LTA4H: variants seen among roughly 807,000 people sequenced by gnomAD.
LTA4H encodes leukotriene A4 hydrolase.
LTA4H carries 59 observed loss-of-function variants against 89.8 expected under a neutral mutation model. The observed-to-expected ratio is 0.66, with a 90% CI of 0.53 to 0.82. The LOEUF is 0.82. Ranked by LOEUF, LTA4H falls within the 40% of genes least tolerant of loss-of-function variation. LTA4H has a pLI of 0.00. For synonymous variants in LTA4H, 227 were observed against 253.1 expected (o/e 0.90, Z 0.98); for missense variants, 617 against 727.0 (o/e 0.85, Z 1.74).
intron 1 of LTA4H, chr12:96,043,267 T>G: frequency 1.3e-6 from 2 of 1,511,370 alleles, no homozygotes; most frequent in Non-Finnish European, 8.9e-7. Context: ...TCACATGCCT[T>G]GAGAAGGAGC....
At chr12:96,021,462 T>C (rs564941870) in intron 5 of LTA4H, among the ~76,000 whole-genome samples, 32 of 152,280 alleles carry the variant, frequency 2.1e-4, no homozygotes, top group African/African-American at 7.0e-4. Flanking sequence ...AGGAAGCGCA[T>C]TTCCCATATG....
intron 12 of LTA4H, 111 bp downstream of exon 12, chr12:96,014,744 C>A: frequency 9.7e-7 from 1 of 1,029,204 alleles, no homozygotes; most frequent in Non-Finnish European, 1.4e-6. Flanking sequence ...GCAGCTACAT[C>A]CAGAATGAAT....
chr12:96,016,512 G>A (rs1950377470), intron 10 of LTA4H, among the ~76,000 whole-genome samples: 1 of 151,606 alleles, frequency 6.6e-6, no homozygotes, highest in Non-Finnish European at 1.5e-5. Context: ...TTTGGAGGCT[G>A]AGGAGGGAGG....
chr12:96,023,376 C>T (rs1950476412), intron 4 of LTA4H, among the ~76,000 whole-genome samples: 1 of 152,150 alleles, frequency 6.6e-6, no homozygotes. Flanking sequence ...TCAAGTGTCA[C>T]ATCATTATTT....
chr12:96,013,231 T>G lies in LTA4H; in HGVS notation c.1336A>C (p.Asn446His). The G allele has an allele frequency of 6.2e-7, 1 of 1,613,682 alleles. No homozygotes were observed. The change falls in exon 14 of 19, where the codon AAT becomes CAT. Residue 446 changes from asparagine to histidine, a missense_variant. This residue lies in a region of LTA4H where 290 missense variants were observed against 339.1 expected (regional missense o/e 0.86). Coordinates refer to ENST00000228740, the MANE Select transcript of LTA4H (RefSeq NM_000895.3). ...AGTCCAGGAGAGTAGAGCCAGGCAT[T>G]CCAATCAACTTGATTGAGAACATCA... ...KVDVLNQVDW[N>H]AWLYSPGLPP...
chr12:96,035,771 G>T, upstream of LTA4H: 1 of 764,964 alleles, frequency 1.3e-6, no homozygotes. Context: ...GATGTTGAGG[G>T]GGACCAAGCG....
intron 1 of LTA4H, among the ~76,000 whole-genome samples, chr12:96,040,662 C>G (rs532738068): frequency 2.0e-5 from 3 of 152,300 alleles, no homozygotes; most frequent in Non-Finnish European, 4.4e-5. Context: ...GGTGGAGCAG[C>G]AAGGTAGAAG....
At chr12:96,029,466 G>A (rs986034576) in intron 1 of LTA4H, among the ~76,000 whole-genome samples, 11 of 152,072 alleles carry the variant, frequency 7.2e-5, no homozygotes, top group African/African-American at 2.7e-4. Flanking sequence ...ATCAAAATAT[G>A]TTTGCTTCTG....
Position 96,018,729 on chromosome 12 carries a change from C to T in LTA4H, c.852+34G>A, listed in dbSNP as rs374227275. 1.2e-4 allele frequency: 183 copies of T among 1,483,476 alleles called. No homozygotes were observed. In the East Asian group the frequency reaches 1.5e-3, roughly 12 times the overall value. The allele number at this position is 1,483,476 out of a possible 1,614,324, so 91.9% of individuals were successfully genotyped here. On this transcript the variant is annotated intron_variant, in intron 8 of 18. Transcript: ENST00000228740. ...AAGGTTCTTAAGTTTATTTTTGAAA[C>T]GTCAATTTCAAATGAAGAAACATTT... is the stretch of plus-strand genomic sequence containing the variant.
chr12:96,013,758 TA>T lies in LTA4H; in HGVS notation c.1299del (p.Phe433LeufsTer25). On this transcript the variant is annotated frameshift_variant, in exon 13 of 19. Transcript: ENST00000228740. LOFTEE classifies it high-confidence loss of function. Reference sequence around the variant, plus strand: ...AGGTTTTTAAATCCAACCTTATCTTTAAAATAGGAATACAGGAAATCCTTCC... The same window carrying T: ...AGGTTTTTAAATCCAACCTTATCTTTAAATAGGAATACAGGAAATCCTTCC... Reference protein sequence around the residue: ...DDWKDFLYSYFKDKVDVLNQV... With the variant: ...DDWKDFLYSYXKDKVDVLNQV... 6.5e-7 allele frequency: 1 copy of T among 1,527,700 alleles called. No homozygotes were observed. The highest frequency in any genetic ancestry group is 9.0e-7 in the Non-Finnish European group (1 of 1,113,634). The allele number at this position is 1,527,700 out of a possible 1,614,324, so 94.6% of individuals were successfully genotyped here. A position where few individuals can be genotyped will look rare whatever the true frequency, so the allele number is the denominator to read the frequency against.
In LTA4H at chr12:96,029,131, C is replaced by A; in HGVS notation, c.214G>T (p.Val72Phe). The A allele has an allele frequency of 1.3e-6, 2 of 1,592,610 alleles. No homozygotes were observed. Among genetic ancestry groups the A allele is most frequent in the Non-Finnish European group, 1.7e-6 (2 of 1,166,028 alleles). ...IEKVVINGQE[V>F]KYALGERQSY... ...TGTCTTTCTCCAAGAGCATATTTGA[C>A]TTCTTGTCCATTGATCACTACTTTT... The change falls in exon 2 of 19, where the codon GTC (valine) becomes TTC (phenylalanine). Residue 72 changes from valine to phenylalanine, a missense_variant. By Grantham distance (50) the Val-to-Phe change is conservative. Coordinates refer to ENST00000228740, the MANE Select transcript of LTA4H (RefSeq NM_000895.3).
Position 96,003,033 on chromosome 12 carries a change from C to T in LTA4H, c.1645G>A (p.Glu549Lys), listed in dbSNP as rs755245009. The stretch of plus-strand genomic sequence containing the variant: ...TTTAGCGCCAAAGGAATTGCGTCCT[C>T]CCACTTGGATTGAATGCAGAGCCGC... ...WLRLCIQSKW[E>K]DAIPLALKMA... Residue 549 changes from glutamate to lysine, a missense_variant, in exon 18 of 19, where the codon GAG becomes AAG. Physicochemically the swap from Glu to Lys is moderately conservative, Grantham distance 56 (BLOSUM62 1). This residue lies in a region of LTA4H where 290 missense variants were observed against 339.1 expected (regional missense o/e 0.86). Coordinates refer to ENST00000228740, the MANE Select transcript of LTA4H (RefSeq NM_000895.3). 1 of 1,603,810 alleles carries T rather than the reference C, an allele frequency of 6.2e-7. No homozygotes were observed. Among genetic ancestry groups the T allele is most frequent in the Non-Finnish European group, 8.5e-7 (1 of 1,174,600 alleles).
intron 2 of LTA4H, chr12:96,028,080 C>A (rs888481168): frequency 1.3e-5 from 2 of 152,318 alleles, no homozygotes; most frequent in African/African-American, 4.8e-5. Context: ...GCTTGTATTT[C>A]ATCTCTTCTT....
chr12:96,043,461 C>T, exon 1 of LTA4H: 3 of 834,422 alleles, frequency 3.6e-6, no homozygotes, highest in South Asian at 3.0e-5. Flanking sequence ...TCCCTTGTTG[C>T]TTTAAAAGAC....
chr12:96,012,392 T>C (rs930541146), intron 14 of LTA4H: 2 of 152,168 alleles, frequency 1.3e-5, no homozygotes, highest in Admixed American at 6.6e-5. Context: ...TCAGGTCCGA[T>C]TGAAGGAGGG....
chr12:96,028,837 C>T (rs1051653289), intron 2 of LTA4H, among the ~76,000 whole-genome samples: 13 of 152,076 alleles, frequency 8.5e-5, no homozygotes, highest in African/African-American at 3.1e-4. Flanking sequence ...TTCCCAAAGT[C>T]CTTGTTGTAT....
At chr12:96,013,897 T>A (rs1229470130) in intron 12 of LTA4H, 44 bp from the exon 13 acceptor site, 6 of 892,540 alleles carry the variant, frequency 6.7e-6, no homozygotes, top group South Asian at 1.4e-5. Flanking sequence ...GAAAGGTAAT[T>A]ATTTGACATT....
In LTA4H at chr12:96,003,863, T is replaced by C. The variant is rs1950149755; in HGVS notation, c.1588A>G (p.Ile530Val). Residue 530 changes from isoleucine to valine, a missense_variant, in exon 17 of 19, where the codon ATT becomes GTT. Ile to Val is a conservative substitution (Grantham distance 29). This residue lies in a region of LTA4H where 290 missense variants were observed against 339.1 expected (regional missense o/e 0.86). Coordinates refer to ENST00000228740, the MANE Select transcript of LTA4H (RefSeq NM_000895.3). ...CTGAATCGTATTTCAGAATTGTTAATGGCATTGAAGTTGTACACCTCTTGC... is the reference window on the plus strand; with the variant it reads ...CTGAATCGTATTTCAGAATTGTTAACGGCATTGAAGTTGTACACCTCTTGC... Reference protein sequence around the residue: ...RMQEVYNFNAINNSEIRFRWL... With the variant: ...RMQEVYNFNAVNNSEIRFRWL... 1 of 1,610,318 alleles carries C rather than the reference T, an allele frequency of 6.2e-7. No homozygotes were observed. The highest frequency in any genetic ancestry group is 1.3e-5 in the African/African-American group (1 of 74,864).
intron 18 of LTA4H, 92 bp downstream of exon 18, chr12:96,002,868 A>G (rs1409640205): frequency 1.8e-5 from 15 of 822,090 alleles, no homozygotes; most frequent in African/African-American, 3.5e-5. Flanking sequence ...AACAAATTAA[A>G]AAATATTGTC....
Sources: allele counts gnomAD v4.1 joint callset (sites outside exome capture counted in the v4.1 genomes callset), GRCh38; gene constraint gnomAD v4.1.1; regional missense constraint gnomAD v4.1.1; transcripts MANE v1.5; gene names NCBI Gene and HGNC (gene_info 2026-07-23, HGNC 2026-07-21).